The following DNAH8 variants were observed in gnomAD, a reference collection of about 807,000 sequenced individuals.
DNAH8 encodes dynein axonemal heavy chain 8.
DNAH8 carries 382 observed loss-of-function variants against 562.1 expected under a neutral mutation model. The ratio of observed to expected loss-of-function variants is 0.68; its 90% confidence interval spans 0.63 to 0.74. DNAH8 has a LOEUF of 0.74. DNAH8 is among the 30% of genes least tolerant of loss of function. The probability of loss-of-function intolerance (pLI) is 0.00; values close to 1 mark genes in which losing one functional copy is unlikely to be tolerated. For missense variants in DNAH8, 5,203 were observed against 5,620.4 expected (o/e 0.93, Z 2.37); for synonymous variants, 1,881 against 1,919.4 (o/e 0.98, Z 0.52).
chr6:38,887,032 T>C (rs764008837), intron 57 of DNAH8, 28 bp downstream of exon 57: 23 of 1,466,964 alleles, frequency 1.6e-5, no homozygotes, highest in Non-Finnish European at 2.2e-5. Flanking sequence ...GTTTATTTTA[T>C]TGCATTACAT....
intron 91 of DNAH8, among the ~76,000 whole-genome samples, chr6:39,022,471 C>T (rs1186791755): frequency 6.6e-6 from 1 of 152,186 alleles, no homozygotes; most frequent in East Asian, 1.9e-4. Flanking sequence ...CTTCTCAGCC[C>T]ACTCAATCAG....
chr6:38,813,664 G>A (rs1321075093), intron 24 of DNAH8, among the ~76,000 whole-genome samples: 2 of 152,104 alleles, frequency 1.3e-5, no homozygotes, highest in Non-Finnish European at 2.9e-5. Context: ...TTTTTGGAAA[G>A]CATGGACCAG....
intron 91 of DNAH8, among the ~76,000 whole-genome samples, chr6:39,012,988 CCAAAAGATG>C (rs1299384608): frequency 7.9e-5 from 12 of 152,110 alleles, no homozygotes; most frequent in African/African-American, 2.4e-4. Context: ...AAATGAAGCA[CCAAAAGATG>C]CAAAAATTGT....
At chr6:38,988,529 C>T (rs760572501) in intron 87 of DNAH8, among the ~76,000 whole-genome samples, 4 of 152,148 alleles carry the variant, frequency 2.6e-5, no homozygotes, top group Non-Finnish European at 4.4e-5. Context: ...TGACCATGCT[C>T]ATAACACTAT....
chr6:38,821,301 A>C (rs944268633), intron 26 of DNAH8, among the ~76,000 whole-genome samples: 1 of 152,230 alleles, frequency 6.6e-6, no homozygotes, highest in Non-Finnish European at 1.5e-5. Context: ...TGTACACTGA[A>C]ACTGCAAAAC....
Position 38,823,551 on chromosome 6 carries a change from T to A in DNAH8, c.3721-11T>A, listed in dbSNP as rs752506163. 15 of 1,588,512 alleles carry A rather than the reference T, an allele frequency of 9.4e-6. No homozygotes were observed. ...TAAAAAATTAAAATATTGACTATTTTCTTACCACAGGAATTTTTGGCTAAC... is the reference window on the plus strand; with the variant it reads ...TAAAAAATTAAAATATTGACTATTTACTTACCACAGGAATTTTTGGCTAAC... On this transcript the variant is annotated splice_polypyrimidine_tract_variant and intron_variant, in intron 27 of 92. Coordinates refer to ENST00000327475, the MANE Select transcript of DNAH8 (RefSeq NM_001206927.2).
chr6:38,807,701 G>T lies in DNAH8; in HGVS notation c.3242G>T (p.Arg1081Ile). 6.6e-7 allele frequency: 1 copy of T among 1,520,104 alleles called. No homozygotes were observed. The highest frequency in any genetic ancestry group is 8.8e-7 in the Non-Finnish European group (1 of 1,136,244). The allele number at this position is 1,520,104 out of a possible 1,614,324, so 94.2% of individuals were successfully genotyped here. ...TRLSLDTMKR[R>I]IFVASLYGRK... ...TTATCTCTGGACACAATGAAAAGAAGAATATTTGTTGCAAGGCAAGTTGAA... is the reference window on the plus strand; with the variant it reads ...TTATCTCTGGACACAATGAAAAGAATAATATTTGTTGCAAGGCAAGTTGAA... Residue 1081 changes from arginine (R) to isoleucine (I), a missense_variant, in exon 24 of 93, where the codon AGA (arginine) becomes ATA (isoleucine). Physicochemically the swap from Arg to Ile is moderately conservative, Grantham distance 97 (BLOSUM62 -3). Transcript: ENST00000327475.
chr6:38,802,447 T>A (rs1770866898), intron 21 of DNAH8, among the ~76,000 whole-genome samples: 1 of 152,252 alleles, frequency 6.6e-6, no homozygotes, highest in African/African-American at 2.4e-5. Context: ...TTTGTGGGCA[T>A]GTCAAAAGAC....
chr6:38,725,457 G>A (rs1316213883), intron 3 of DNAH8, among the ~76,000 whole-genome samples: 3 of 152,040 alleles, frequency 2.0e-5, no homozygotes, highest in Non-Finnish European at 2.9e-5. Context: ...AGTATGAATG[G>A]GATTGCTCAT....
At chr6:38,726,851 GTTTTTTTTTT>G (rs58557655) in intron 3 of DNAH8, among the ~76,000 whole-genome samples, 3 of 63,264 alleles carry the variant, frequency 4.7e-5, no homozygotes, top group African/African-American at 2.0e-4. Flanking sequence ...GTATTCTTTA[GTTTTTTTTTT>G]TTTTTTTTTT....
chr6:38,838,920 C>T (rs1391530202), intron 33 of DNAH8, among the ~76,000 whole-genome samples: 1 of 152,150 alleles, frequency 6.6e-6, no homozygotes. Context: ...AGAGTCTTGG[C>T]TTTAGAAAAT....
intron 1 of DNAH8, among the ~76,000 whole-genome samples, chr6:38,720,234 T>C (rs1762640317): frequency 6.6e-6 from 1 of 152,072 alleles, no homozygotes; most frequent in Non-Finnish European, 1.5e-5. Flanking sequence ...GTATCAGCAG[T>C]GCTAAAGGGA....
At chr6:38,733,836 G>A (rs1299499685) in intron 4 of DNAH8, among the ~76,000 whole-genome samples, 1 of 150,518 alleles carries the variant, frequency 6.6e-6, no homozygotes, top group East Asian at 2.0e-4. Context: ...GCTTGAACCC[G>A]GGAGGTGGAG....
At chr6:38,973,612 A>G in intron 83 of DNAH8, 49 bp from the exon 84 acceptor site, 1 of 1,454,592 alleles carries the variant, frequency 6.9e-7, no homozygotes, top group Non-Finnish European at 9.2e-7. Flanking sequence ...TATTAAAATC[A>G]TAGCAAAAAG....
chr6:38,932,183 A>AACACACACACAC (rs70981599), intron 76 of DNAH8, among the ~76,000 whole-genome samples, 190 bp downstream of exon 76: 49,225 of 139,460 alleles, frequency 0.35, 10,147 homozygotes, highest in Non-Finnish European at 0.46. Flanking sequence ...TCCAGCCTGA[A>AACACACACACAC]ACACACACAC....
Position 38,746,106 on chromosome 6 carries a change from C to T in DNAH8, c.1293+4219C>T, listed in dbSNP as rs543733210. ...TGGTGGTTTTCTAGTTCCCTCATTC[C>T]TTCCACGTTTATTAATCAGAATTCT... On this transcript the variant is annotated intron_variant, in intron 8 of 92. Transcript: ENST00000327475. 4.6e-5 allele frequency among the ~76,000 whole-genome samples: 7 copies of T among 152,242 alleles called. No homozygotes were observed. In the South Asian group the frequency reaches 1.2e-3, roughly 27 times the overall value.
intron 36 of DNAH8, among the ~76,000 whole-genome samples, chr6:38,847,136 T>C (rs1775364648): frequency 6.6e-6 from 1 of 152,166 alleles, no homozygotes; most frequent in Non-Finnish European, 1.5e-5. Flanking sequence ...AGGTATTGCC[T>C]GGATTGTGAC....
chr6:38,731,163 T>C (rs567107041), intron 4 of DNAH8, among the ~76,000 whole-genome samples: 22 of 152,230 alleles, frequency 1.4e-4, no homozygotes, highest in Non-Finnish European at 3.1e-4. Context: ...GTAGGAGGAT[T>C]ATTGTGTGGT....
intron 89 of DNAH8, among the ~76,000 whole-genome samples, chr6:39,011,542 G>C (rs747857105): frequency 1.3e-5 from 2 of 152,180 alleles, no homozygotes; most frequent in African/African-American, 2.4e-5. Flanking sequence ...TATTGCATTG[G>C]CTTGTTTTCC....
Sources: allele counts gnomAD v4.1 joint callset (sites outside exome capture counted in the v4.1 genomes callset), GRCh38; gene constraint gnomAD v4.1.1; transcripts MANE v1.5; gene names NCBI Gene and HGNC (gene_info 2026-07-23, HGNC 2026-07-21).